Variants in RCOR1 observed in about 807,000 individuals in gnomAD.
The protein encoded by RCOR1 is REST corepressor.
In RCOR1, 12 loss-of-function variants were observed where a neutral mutation model predicts 64.0. The observed-to-expected ratio is 0.19, with a 90% CI of 0.12 to 0.30. The LOEUF (loss-of-function observed/expected upper bound fraction) is 0.30, where lower values mean the gene tolerates loss of function less well. RCOR1 is among the 10% of genes least tolerant of loss of function. The pLI, the probability that RCOR1 is intolerant of heterozygous loss-of-function variation, is 1.00. For missense variants in RCOR1, 502 were observed against 621.2 expected, an observed-to-expected ratio of 0.81 and a Z score of 2.04; for synonymous variants, 279 against 227.2, an observed-to-expected ratio of 1.23 and a Z score of -2.05.
At chr14:102,601,756 A>G (rs1168788532) in intron 2 of RCOR1, among the ~76,000 whole-genome samples, 2 of 152,160 alleles carry the variant, frequency 1.3e-5, no homozygotes, top group Admixed American at 6.5e-5. Flanking sequence ...TAGCCTTGGT[A>G]TGGGTGCTGT....
Position 102,730,208 on chromosome 14 carries a change from T to C in RCOR1, c.*3702T>C, listed in dbSNP as rs991133233. On this transcript the variant is annotated 3_prime_UTR_variant, in exon 12 of 12. Transcript: ENST00000262241. ...ACTTATCGACTTTGCTAAGTGCTTTTTAGACAGCTTAAAAAATTTTCAAGA... is the reference window on the plus strand; with the variant it reads ...ACTTATCGACTTTGCTAAGTGCTTTCTAGACAGCTTAAAAAATTTTCAAGA... 5.1e-6 allele frequency: 2 copies of C among 394,676 alleles called. No individual in the cohort carries two copies. Among genetic ancestry groups the C allele is most frequent in the Non-Finnish European group, 8.9e-6 (2 of 223,978 alleles). 24.4% of individuals were successfully genotyped at this position (394,676 alleles called of 1,614,324 possible). A position where few individuals can be genotyped will look rare whatever the true frequency, so the allele number is the denominator to read the frequency against.
Position 102,726,598 on chromosome 14 carries a change from C to T in RCOR1, c.*92C>T, listed in dbSNP as rs1051012722. The T allele has an allele frequency of 5.5e-6, 6 of 1,083,342 alleles. No homozygotes were observed. Among genetic ancestry groups the T allele is most frequent in the South Asian group, 1.3e-5 (1 of 74,630 alleles). 67.1% of individuals were successfully genotyped at this position (1,083,342 alleles called of 1,614,324 possible). ...CATCACCTAGCCATCTGCATCACAT[C>T]TCTCTGGACAAGCAGCTATTACCAA... is the stretch of plus-strand genomic sequence containing the variant. On this transcript the variant is annotated 3_prime_UTR_variant, in exon 12 of 12. Transcript: ENST00000262241.
chr14:102,647,492 A>G (rs1385034892), intron 2 of RCOR1, among the ~76,000 whole-genome samples: 4 of 150,942 alleles, frequency 2.7e-5, no homozygotes, highest in Non-Finnish European at 5.9e-5. Flanking sequence ...AATTTTTTGT[A>G]TTTTTAGTAG....
chr14:102,640,452 G>A (rs980544915), intron 2 of RCOR1, among the ~76,000 whole-genome samples: 10 of 152,166 alleles, frequency 6.6e-5, no homozygotes, highest in Non-Finnish European at 1.0e-4. Flanking sequence ...ATCTTGGGTA[G>A]TTCTTCCGAC....
intron 2 of RCOR1, among the ~76,000 whole-genome samples, chr14:102,599,654 TTA>T (rs1399642035): frequency 6.6e-6 from 1 of 152,190 alleles, no homozygotes; most frequent in African/African-American, 2.4e-5. Flanking sequence ...GAAAACTGTG[TTA>T]TGTTTTCATG....
chr14:102,610,988 T>C (rs1893620798), intron 2 of RCOR1, among the ~76,000 whole-genome samples: 1 of 152,154 alleles, frequency 6.6e-6, no homozygotes, highest in Admixed American at 6.6e-5. Flanking sequence ...TGTATTTGTT[T>C]AAATATTGCC....
At chr14:102,635,337 CTA>C (rs934686330) in intron 2 of RCOR1, among the ~76,000 whole-genome samples, 16 of 152,052 alleles carry the variant, frequency 1.1e-4, no homozygotes, top group African/African-American at 3.9e-4. Flanking sequence ...AAACCCATCT[CTA>C]CTAAAAATAC....
chr14:102,669,438 AAATACTT>A, intron 2 of RCOR1, among the ~76,000 whole-genome samples: 1 of 152,362 alleles, frequency 6.6e-6, no homozygotes, highest in East Asian at 1.9e-4. Context: ...TTAAATGCTA[AAATACTT>A]AATGTGGATA....
intron 2 of RCOR1, among the ~76,000 whole-genome samples, chr14:102,620,251 A>ACC (rs975179645): frequency 1.4e-5 from 2 of 143,316 alleles, no homozygotes; most frequent in Non-Finnish European, 3.0e-5. Flanking sequence ...ACACACACAC[A>ACC]CCCCCCCACA....
At chr14:102,601,233 G>C (rs1263203988) in intron 2 of RCOR1, among the ~76,000 whole-genome samples, 1 of 150,828 alleles carries the variant, frequency 6.6e-6, no homozygotes, top group Admixed American at 6.6e-5. Flanking sequence ...GGCTGGTTTC[G>C]AACTCTTGAC....
rs554765533 is a variant in RCOR1 at position 102,679,400 on chromosome 14, C to T, written c.362-2495C>T. Among the ~76,000 whole-genome samples the T allele has an allele frequency of 2.6e-3, 388 of 151,674 alleles. 1 individual carries two copies. The highest frequency in any genetic ancestry group is 4.6e-3 in the Non-Finnish European group (313 of 67,920). ...ATTATTATTTTTGGCTTGATTTTGCCTTCGTGCCTTTATGGAAAATCATTT... is the reference window on the plus strand; with the variant it reads ...ATTATTATTTTTGGCTTGATTTTGCTTTCGTGCCTTTATGGAAAATCATTT... On this transcript the variant is annotated intron_variant, in intron 2 of 11. Coordinates refer to ENST00000262241, the MANE Select transcript of RCOR1 (RefSeq NM_015156.4).
At chr14:102,703,659 G>C (rs929898977) in intron 4 of RCOR1, among the ~76,000 whole-genome samples, 1 of 152,186 alleles carries the variant, frequency 6.6e-6, no homozygotes, top group Non-Finnish European at 1.5e-5. Context: ...AAAAGCTGCC[G>C]GAGAGTCTCT....
rs1269102359 is a variant in RCOR1 at position 102,729,743 on chromosome 14, A to G, written c.*3237A>G. The G allele has an allele frequency of 2.5e-6, 1 of 398,326 alleles. No homozygotes were observed. The highest frequency in any genetic ancestry group is 4.4e-5 in the Admixed American group (1 of 22,718). 24.7% of individuals were successfully genotyped at this position (398,326 alleles called of 1,614,324 possible). A position where few individuals can be genotyped will look rare whatever the true frequency, so the allele number is the denominator to read the frequency against. Reference sequence around the variant, plus strand: ...CTATTTTTGTCATTCTAAATATCAGATGTACTATTGGTATAATTGCACACC... The same window carrying G: ...CTATTTTTGTCATTCTAAATATCAGGTGTACTATTGGTATAATTGCACACC... On this transcript the variant is annotated 3_prime_UTR_variant, in exon 12 of 12. Transcript: ENST00000262241.
intron 2 of RCOR1, among the ~76,000 whole-genome samples, chr14:102,602,394 C>CTTTTTTTTTTTTT (rs66743592): frequency 9.6e-6 from 1 of 104,242 alleles, no homozygotes; most frequent in African/African-American, 3.7e-5. Context: ...CTTTTCTTTT[C>CTTTTTTTTTTTTT]TTTTTTTTTT....
chr14:102,669,396 G>C (rs909011273), intron 2 of RCOR1, among the ~76,000 whole-genome samples: 4 of 152,058 alleles, frequency 2.6e-5, no homozygotes, highest in African/African-American at 9.7e-5. Context: ...AGAGTGAACT[G>C]TTGTCAGTTG....
chr14:102,612,564 G>A (rs796410138), intron 2 of RCOR1, among the ~76,000 whole-genome samples: 21 of 152,054 alleles, frequency 1.4e-4, no homozygotes, highest in African/African-American at 5.1e-4. Flanking sequence ...TTGAACTCCT[G>A]GCTTCAAGCA....
intron 3 of RCOR1, 125 bp from the exon 4 acceptor site, chr14:102,701,153 T>G: frequency 1.3e-6 from 1 of 786,196 alleles, no homozygotes; most frequent in Non-Finnish European, 2.2e-6. Flanking sequence ...CAAAATGAGA[T>G]TTGGGTGGGG....
rs1038870362 is a variant in RCOR1, at chr14:102,592,946, C to A, written c.60C>A (p.Asn20Lys). The A allele has an allele frequency of 8.3e-7, 1 of 1,207,098 alleles. No individual in the cohort carries two copies. The highest frequency in any genetic ancestry group is 1.0e-6 in the Non-Finnish European group (1 of 966,236). The allele number at this position is 1,207,098 out of a possible 1,614,324, so 74.8% of individuals were successfully genotyped here. ...CAGGGAAGCGGAGAGGGAGGAACAA[C>A]GCGGCCGCCTCCGCCTCCGCCGCCG... ...EVSGKRRGRN[N>K]AAASASAAAA... The change falls in exon 1 of 12, where the codon AAC (asparagine) becomes AAA (lysine). Residue 20 changes from asparagine (N) to lysine (K), a missense_variant. Asn to Lys is a moderately conservative substitution (Grantham distance 94). Around this residue, in one of 2 missense-constraint regions of RCOR1, gnomAD observed 242 missense variants for 204.9 expected, o/e 1.18. Transcript: ENST00000262241.
chr14:102,615,300 A>ATTT (rs112023406), intron 2 of RCOR1, among the ~76,000 whole-genome samples: 1 of 142,854 alleles, frequency 7.0e-6, no homozygotes, highest in Non-Finnish European at 1.5e-5. Context: ...GCCTGGCTAA[A>ATTT]TTTTTTTTTT....
Sources: gnomAD v4.1 joint callset for allele counts (sites outside exome capture counted in the v4.1 genomes callset) on GRCh38, gnomAD v4.1.1 for gene constraint, gnomAD v4.1.1 regional missense constraint, MANE v1.5 for transcripts, NCBI Gene and HGNC (gene_info 2026-07-23, HGNC 2026-07-21) for gene names.